The following IL1RAPL2 variants were observed in gnomAD, a reference collection of about 807,000 sequenced individuals.
IL1RAPL2 encodes X-linked interleukin-1 receptor accessory protein-like 2.
IL1RAPL2 carries 3 observed loss-of-function variants against 44.1 expected under a neutral mutation model. The ratio of observed to expected loss-of-function variants is 0.07; its 90% CI spans 0.03 to 0.18. The LOEUF (loss-of-function observed/expected upper bound fraction) is 0.18. Among genes scored for constraint, IL1RAPL2 ranks in the 10% least tolerant of loss-of-function variants. The pLI, the probability that IL1RAPL2 is intolerant of heterozygous loss-of-function variation, is 1.00. For missense variants in IL1RAPL2, 391 were observed against 496.4 expected, an observed-to-expected ratio of 0.79 and a Z score of 2.02; for synonymous variants, 181 against 178.8, an observed-to-expected ratio of 1.01 and a Z score of -0.10.
At chrX:105,460,451 CT>C (rs1035032145) in intron 5 of IL1RAPL2, among the ~76,000 whole-genome samples, 2 of 110,065 alleles carry the variant, frequency 1.8e-5, no homozygotes, top group Admixed American at 9.8e-5. Context: ...TTCTTCCCCC[CT>C]CTCATCCTTC....
intron 5 of IL1RAPL2, chrX:105,406,181 A>G: frequency 2.6e-6 from 3 of 1,161,619 alleles, no homozygotes; most frequent in Middle Eastern, 3.3e-4. Flanking sequence ...GTTTCCCTGA[A>G]TTCTAAGGAG....
intron 2 of IL1RAPL2, among the ~76,000 whole-genome samples, chrX:104,752,761 T>A (rs1167839270): frequency 9.0e-6 from 1 of 111,062 alleles, no homozygotes; most frequent in Non-Finnish European, 1.9e-5. Flanking sequence ...CTTCGTTATC[T>A]GCAGCTTTGC....
chrX:105,582,400 C>T (rs781153903), intron 6 of IL1RAPL2, among the ~76,000 whole-genome samples: 1 of 111,104 alleles, frequency 9.0e-6, no homozygotes, highest in African/African-American at 3.3e-5. Context: ...TCTATAGATC[C>T]ATTTGGGGAG....
At chrX:104,888,822 C>A (rs1347458015) in intron 2 of IL1RAPL2, among the ~76,000 whole-genome samples, 1 of 111,526 alleles carries the variant, frequency 9.0e-6, no homozygotes. Flanking sequence ...GCCAAATTCC[C>A]CATTTCTGAT....
intron 2 of IL1RAPL2, among the ~76,000 whole-genome samples, chrX:104,668,275 G>A (rs1930521492): frequency 9.1e-6 from 1 of 110,399 alleles, no homozygotes. Flanking sequence ...GGGCAAGGTT[G>A]CTGAGACATT....
chrX:105,758,460 C>T (rs2038658749), intron 10 of IL1RAPL2, among the ~76,000 whole-genome samples: 1 of 109,787 alleles, frequency 9.1e-6, no homozygotes, highest in African/African-American at 3.3e-5. Context: ...TCTCAGAAAC[C>T]TTGGTTACAA....
At chrX:105,503,324 T>A (rs1181629337) in intron 6 of IL1RAPL2, among the ~76,000 whole-genome samples, 1 of 111,266 alleles carries the variant, frequency 9.0e-6, no homozygotes, top group East Asian at 2.9e-4. Context: ...TCTTAGCCTA[T>A]TTGTACTCCC....
intron 5 of IL1RAPL2, among the ~76,000 whole-genome samples, chrX:105,356,753 G>A (rs1317315969): frequency 8.9e-6 from 1 of 112,040 alleles, no homozygotes; most frequent in Admixed American, 9.5e-5. Context: ...AAGTTCAGGA[G>A]TTGAAATTGT....
chrX:105,029,542 G>C (rs747324231), intron 2 of IL1RAPL2, among the ~76,000 whole-genome samples: 1 of 106,401 alleles, frequency 9.4e-6, no homozygotes, highest in Non-Finnish European at 1.9e-5. Context: ...GAGAATGATG[G>C]TTTCCAGTTT....
chrX:105,552,189 A>G (rs1166954063), intron 6 of IL1RAPL2, among the ~76,000 whole-genome samples: 1 of 111,626 alleles, frequency 9.0e-6, no homozygotes, highest in East Asian at 2.8e-4. Flanking sequence ...ATCATTCTGA[A>G]TGGCAAAAAT....
chrX:105,066,273 C>T (rs765914093), intron 2 of IL1RAPL2, among the ~76,000 whole-genome samples: 1 of 111,189 alleles, frequency 9.0e-6, no homozygotes, highest in South Asian at 3.9e-4. Context: ...GTCATCCTGC[C>T]TACTTACCAC....
chrX:104,745,291 G>C, intron 2 of IL1RAPL2, among the ~76,000 whole-genome samples: 1 of 111,538 alleles, frequency 9.0e-6, no homozygotes, highest in Middle Eastern at 4.7e-3. Context: ...TGGTTTTGTA[G>C]GGCTGAGTTT....
chrX:104,745,606 A>G (rs908460687), intron 2 of IL1RAPL2, among the ~76,000 whole-genome samples: 4 of 112,170 alleles, frequency 3.6e-5, no homozygotes, highest in Admixed American at 1.9e-4. Context: ...GGAAAGAATA[A>G]AGCGTTTAAC....
In IL1RAPL2 at chrX:104,623,123, C is replaced by T. The variant is rs147654737; in HGVS notation, c.-19-35772C>T. ...ACATTATAAAGTTGCTTGTATTTAT[C>T]CACAGCCTGGAATAATCTATTGATG... On this transcript the variant is annotated intron_variant, in intron 1 of 10. Transcript: ENST00000372582. Among the ~76,000 whole-genome samples, 269 of 111,077 alleles carry T rather than the reference C, an allele frequency of 2.4e-3. 3 individuals are homozygous for T. The highest frequency in any genetic ancestry group is 0.023 in the Admixed American group (234 of 10,350).
intron 2 of IL1RAPL2, among the ~76,000 whole-genome samples, chrX:104,813,881 C>T (rs1029946850): frequency 2.7e-5 from 3 of 111,789 alleles, no homozygotes; most frequent in South Asian, 7.6e-4. Context: ...AGGCTTAGTT[C>T]TTACAGCTCT....
At chrX:105,559,341 A>T (rs975645860) in intron 6 of IL1RAPL2, among the ~76,000 whole-genome samples, 5 of 112,088 alleles carry the variant, frequency 4.5e-5, no homozygotes, top group Admixed American at 9.5e-5. Context: ...AAATAAACCC[A>T]CTCATATACA....
intron 6 of IL1RAPL2, among the ~76,000 whole-genome samples, chrX:105,688,562 G>A (rs1417990493): frequency 9.0e-6 from 1 of 111,605 alleles, no homozygotes; most frequent in Non-Finnish European, 1.9e-5. Flanking sequence ...ACTGCTCAAC[G>A]AAATAAAAGA....
At chrX:105,580,948 T>G (rs1289846215) in intron 6 of IL1RAPL2, among the ~76,000 whole-genome samples, 1 of 111,919 alleles carries the variant, frequency 8.9e-6, no homozygotes, top group Non-Finnish European at 1.9e-5. Flanking sequence ...GGAAACACAT[T>G]CTGTAATATT....
intron 2 of IL1RAPL2, among the ~76,000 whole-genome samples, chrX:104,799,922 T>C (rs1230206071): frequency 9.0e-6 from 1 of 111,609 alleles, no homozygotes; most frequent in Non-Finnish European, 1.9e-5. Flanking sequence ...CTTATCCAAG[T>C]GATTTTTTAA....
Sources: allele counts gnomAD v4.1 joint callset (sites outside exome capture counted in the v4.1 genomes callset), GRCh38; gene constraint gnomAD v4.1.1; transcripts MANE v1.5; gene names NCBI Gene and HGNC (gene_info 2026-07-23, HGNC 2026-07-21).